MAPK8: variants seen among roughly 807,000 people sequenced by gnomAD.
MAPK8 encodes mitogen-activated protein kinase 8, also known as JUN N-terminal kinase.
In MAPK8, 13 loss-of-function variants were observed where a neutral mutation model predicts 52.9. That is an observed-to-expected ratio of 0.25 (90% confidence interval 0.16 to 0.39). The LOEUF (loss-of-function observed/expected upper bound fraction) is 0.39, where lower values mean the gene tolerates loss of function less well. Among genes scored for constraint, MAPK8 ranks in the 10% least tolerant of loss-of-function variants. MAPK8 has a pLI of 1.00. For missense variants in MAPK8, 300 were observed against 519.2 expected (o/e 0.58, Z 4.10); for synonymous variants, 191 against 169.8 (o/e 1.12, Z -0.97).
chr10:48,367,866 T>A (rs906961356), intron 1 of MAPK8, among the ~76,000 whole-genome samples: 1 of 152,186 alleles, frequency 6.6e-6, no homozygotes, highest in African/African-American at 2.4e-5. Flanking sequence ...GACAGAGGCA[T>A]CAAGGCAGAA....
intron 1 of MAPK8, among the ~76,000 whole-genome samples, chr10:48,367,952 GAATTA>G (rs1376583747): frequency 1.3e-5 from 2 of 152,144 alleles, no homozygotes. Context: ...AGAGAAGAGA[GAATTA>G]AATTAACTTA....
At chr10:48,340,186 G>A (rs953790753) in intron 1 of MAPK8, among the ~76,000 whole-genome samples, 2 of 152,196 alleles carry the variant, frequency 1.3e-5, no homozygotes, top group African/African-American at 2.4e-5. Context: ...AAAAGAAAAT[G>A]TGGTACATAT....
intron 1 of MAPK8, among the ~76,000 whole-genome samples, chr10:48,379,418 G>A (rs186547412): frequency 1.2e-3 from 182 of 152,226 alleles, no homozygotes; most frequent in African/African-American, 3.9e-3. Context: ...TCTCCAATGC[G>A]TCCTCTTACA....
chr10:48,426,498 A>G lies in MAPK8; in HGVS notation c.990A>G (p.Ala330=), dbSNP rs755896523. 2 of 1,608,444 alleles carry G rather than the reference A, an allele frequency of 1.2e-6. No homozygotes were observed. Among genetic ancestry groups the G allele is most frequent in the East Asian group, 2.2e-5 (1 of 44,594 alleles). The part of the protein sequence containing the change: ...YINVWYDPSE[A]EAPPPKIPDK... Reference sequence around the variant, plus strand: ...ATGTCTGGTATGATCCTTCTGAAGCAGAAGCTGTAAGTTATTTTCTTAATG... The same window carrying G: ...ATGTCTGGTATGATCCTTCTGAAGCGGAAGCTGTAAGTTATTTTCTTAATG... The change falls in exon 9 of 12, where the codon GCA becomes GCG. Residue 330 remains alanine (A), a synonymous_variant. Coordinates refer to ENST00000374189, the MANE Select transcript of MAPK8 (RefSeq NM_001323329.2).
At chr10:48,415,246 G>T (rs1286241699) in intron 5 of MAPK8, among the ~76,000 whole-genome samples, 1 of 152,148 alleles carries the variant, frequency 6.6e-6, no homozygotes, top group Non-Finnish European at 1.5e-5. Context: ...CTAGGTTTGG[G>T]TTGTTTGTTT....
intron 1 of MAPK8, among the ~76,000 whole-genome samples, chr10:48,315,645 ATCT>A (rs918668592): frequency 8.9e-6 from 1 of 112,104 alleles, no homozygotes; most frequent in African/African-American, 3.3e-5. Context: ...TTCCACTTTT[ATCT>A]TCTATCTGGT....
chr10:48,360,173 A>G (rs1428589026), intron 1 of MAPK8, among the ~76,000 whole-genome samples: 1 of 152,208 alleles, frequency 6.6e-6, no homozygotes, highest in East Asian at 1.9e-4. Flanking sequence ...TCTAAAAGAA[A>G]AAAAAAGAAG....
chr10:48,413,646 A>G (rs775325334), intron 5 of MAPK8, among the ~76,000 whole-genome samples: 2 of 151,764 alleles, frequency 1.3e-5, no homozygotes, highest in Admixed American at 6.6e-5. Context: ...ACTGCCTCTC[A>G]TCAAATTCTT....
At position 48,426,411 on chromosome 10, in the gene MAPK8, G is replaced by T; in HGVS notation, c.903G>T (p.Met301Ile). The change falls in exon 9 of 12, where the codon ATG becomes ATT. Residue 301 changes from methionine to isoleucine, a missense_variant. Transcript: ENST00000374189. ...AGGCAAGGGATTTGTTATCCAAAAT[G>T]CTGGTAATAGATGCATCTAAAAGGA... ...ASQARDLLSK[M>I]LVIDASKRIS... The T allele has an allele frequency of 6.2e-7, 1 of 1,610,240 alleles. No individual in the cohort carries two copies. The highest frequency in any genetic ancestry group is 8.5e-7 in the Non-Finnish European group (1 of 1,178,454).
chr10:48,329,610 AG>A (rs1218671866), intron 1 of MAPK8, among the ~76,000 whole-genome samples: 1 of 152,208 alleles, frequency 6.6e-6, no homozygotes, highest in Non-Finnish European at 1.5e-5. Context: ...ACACTTCATA[AG>A]GCACAGAGAG....
chr10:48,360,456 G>A (rs1317189300), intron 1 of MAPK8, among the ~76,000 whole-genome samples: 4 of 152,100 alleles, frequency 2.6e-5, no homozygotes, highest in African/African-American at 7.2e-5. Flanking sequence ...AGAAGTTAGG[G>A]TAAATAACCC....
chr10:48,403,960 T>G (rs1004859544), intron 2 of MAPK8, among the ~76,000 whole-genome samples: 1 of 150,594 alleles, frequency 6.6e-6, no homozygotes, highest in Non-Finnish European at 1.5e-5. Context: ...TGTGTGTGTA[T>G]TTTTAGTAGA....
chr10:48,372,442 A>AAC (rs1400354382), intron 1 of MAPK8, among the ~76,000 whole-genome samples: 23 of 152,112 alleles, frequency 1.5e-4, no homozygotes, highest in Non-Finnish European at 8.8e-5. Flanking sequence ...AAAGGAGCAT[A>AAC]TTCTAACCCA....
At chr10:48,324,849 C>A (rs1206078679) in intron 1 of MAPK8, among the ~76,000 whole-genome samples, 2 of 152,090 alleles carry the variant, frequency 1.3e-5, no homozygotes, top group Non-Finnish European at 2.9e-5. Flanking sequence ...AGTGAGATGA[C>A]GTTTTGGTTC....
intron 1 of MAPK8, among the ~76,000 whole-genome samples, chr10:48,386,606 G>C (rs933030107): frequency 1.3e-5 from 2 of 152,034 alleles, no homozygotes; most frequent in African/African-American, 4.8e-5. Context: ...CCAGCTCACT[G>C]AAGTGTTATG....
At chr10:48,426,308 A>C in intron 8 of MAPK8, 72 bp from the exon 9 acceptor site, 1 of 1,375,062 alleles carries the variant, frequency 7.3e-7, no homozygotes. Flanking sequence ...AAAAAATCTC[A>C]AATTGCTGAA....
chr10:48,312,617 G>C (rs548270719), intron 1 of MAPK8, among the ~76,000 whole-genome samples: 1 of 152,196 alleles, frequency 6.6e-6, no homozygotes, highest in East Asian at 1.9e-4. Context: ...TTTCTGACTT[G>C]TTCCAGGAAG....
At chr10:48,354,171 T>A (rs183204414) in intron 1 of MAPK8, among the ~76,000 whole-genome samples, 75 of 152,280 alleles carry the variant, frequency 4.9e-4, no homozygotes, top group African/African-American at 1.3e-3. Flanking sequence ...AAAATTTTTT[T>A]AAATTATCCT....
At position 48,428,995 on chromosome 10, in the gene MAPK8, T is replaced by TG. The variant is rs2043928244; in HGVS notation, c.1060+1852_1060+1853insG. Among the ~76,000 whole-genome samples, 4 of 150,028 alleles carry TG rather than the reference T, an allele frequency of 2.7e-5. No individual in the cohort carries two copies. The South Asian group carries it at 8.5e-4, about 32-fold the overall frequency. ...ATCCACTGCACTTGGCTAATTTTGT[T>TG]TTTTTTTTTTGAGACAGGGTCTCAC... On this transcript the variant is annotated intron_variant, in intron 10 of 11. Transcript: ENST00000374189.
Sources: gnomAD v4.1 joint callset for allele counts (sites outside exome capture counted in the v4.1 genomes callset) on GRCh38, gnomAD v4.1.1 for gene constraint, MANE v1.5 for transcripts, NCBI Gene and HGNC (gene_info 2026-07-23, HGNC 2026-07-21) for gene names.